Variants in PROSER2 observed in about 807,000 individuals in gnomAD.
PROSER2 encodes proline and serine-rich protein 2.
Under a neutral mutation model 14.6 loss-of-function variants are expected in PROSER2, and 18 were observed. That is an observed-to-expected ratio of 1.23 (90% confidence interval 0.85 to 1.83). The LOEUF is 1.83. PROSER2 is among the 40% of genes most tolerant of loss of function. The pLI, the probability that PROSER2 is intolerant of heterozygous loss-of-function variation, is 0.00. For synonymous variants in PROSER2, 367 were observed against 286.4 expected, an observed-to-expected ratio of 1.28 and a Z score of -2.84; for missense variants, 823 against 629.8, an observed-to-expected ratio of 1.31 and a Z score of -3.28.
intron 1 of PROSER2, among the ~76,000 whole-genome samples, chr10:11,833,318 G>A (rs186131243): frequency 6.8e-6 from 1 of 146,616 alleles, no homozygotes; most frequent in African/African-American, 2.5e-5. Context: ...TGAGGCAGGA[G>A]GATTGTTTGA....
chr10:11,839,790 A>C (rs1588486414), intron 1 of PROSER2, among the ~76,000 whole-genome samples: 2 of 147,946 alleles, frequency 1.4e-5, no homozygotes, highest in Admixed American at 1.4e-4. Flanking sequence ...ATACCACTGC[A>C]CTCCAGCCTG....
At chr10:11,848,208 G>A (rs779349165) in intron 1 of PROSER2, among the ~76,000 whole-genome samples, 59 of 152,016 alleles carry the variant, frequency 3.9e-4, no homozygotes, top group Non-Finnish European at 7.2e-4. Flanking sequence ...TCACTCTGCC[G>A]CCCAGGCTGG....
At chr10:11,845,717 C>T (rs1270173502) in intron 1 of PROSER2, among the ~76,000 whole-genome samples, 3 of 152,030 alleles carry the variant, frequency 2.0e-5, no homozygotes, top group South Asian at 2.1e-4. Context: ...GGGTCCTCGG[C>T]GGGACCCAGC....
intron 2 of PROSER2, among the ~76,000 whole-genome samples, chr10:11,861,560 C>T (rs777629195): frequency 1.3e-5 from 2 of 152,062 alleles, no homozygotes; most frequent in Non-Finnish European, 1.5e-5. Context: ...CAGCCGTGCA[C>T]GGATGGGCGT....
In PROSER2 at chr10:11,851,996, G is replaced by C; in HGVS notation, c.-81-1G>C. 6.8e-7 allele frequency: 1 copy of C among 1,471,052 alleles called. No homozygotes were observed. The highest frequency in any genetic ancestry group is 9.1e-7 in the Non-Finnish European group (1 of 1,103,694). 91.1% of individuals were successfully genotyped at this position (1,471,052 alleles called of 1,614,324 possible). On this transcript the variant is annotated splice_acceptor_variant, in intron 1 of 3. Coordinates refer to ENST00000277570, the MANE Select transcript of PROSER2 (RefSeq NM_153256.4). LOFTEE classifies it low-confidence loss of function (5UTR_SPLICE). ...TTGTCATTCGTGTTTGGTGTCTCTA[G>C]GAGTGAGCTGTTGCCGCAGAATGGG...
chr10:11,853,007 T>C (rs1426018282), intron 2 of PROSER2, among the ~76,000 whole-genome samples: 2 of 152,078 alleles, frequency 1.3e-5, no homozygotes, highest in Non-Finnish European at 2.9e-5. Flanking sequence ...GGTGAGGACA[T>C]TCATCTTTCA....
At chr10:11,844,857 A>T (rs112800713) in intron 1 of PROSER2, among the ~76,000 whole-genome samples, 9 of 152,278 alleles carry the variant, frequency 5.9e-5, no homozygotes, top group Non-Finnish European at 1.3e-4. Context: ...CCTGACCTCA[A>T]GTGATCCGCC....
intron 1 of PROSER2, among the ~76,000 whole-genome samples, chr10:11,846,342 A>G (rs184952576): frequency 6.6e-6 from 1 of 152,282 alleles, no homozygotes; most frequent in Non-Finnish European, 1.5e-5. Flanking sequence ...CTCCAGTTAA[A>G]CACAAACCTT....
intron 1 of PROSER2, among the ~76,000 whole-genome samples, chr10:11,848,163 G>A (rs1833953649): frequency 6.8e-6 from 1 of 146,748 alleles, no homozygotes; most frequent in Non-Finnish European, 1.5e-5. Flanking sequence ...TTTTGTTTTT[G>A]TTTGTTTGTT....
At chr10:11,859,434 C>G (rs1535981) in intron 2 of PROSER2, among the ~76,000 whole-genome samples, 1 of 152,144 alleles carries the variant, frequency 6.6e-6, no homozygotes, top group Non-Finnish European at 1.5e-5. Context: ...CTCAAAAAAA[C>G]AAACAAAAAA....
chr10:11,830,438 C>T lies in PROSER2; in HGVS notation c.-82+6968C>T, dbSNP rs1588482541. Among the ~76,000 whole-genome samples the T allele has an allele frequency of 2.6e-5, 4 of 152,258 alleles. No individual in the cohort carries two copies. In the South Asian group the frequency reaches 6.2e-4, roughly 24 times the overall value. ...CTTTATCCTGTCGTCTGTCGATGGA[C>T]GCCTAGATTGATTCTGTGACGGTTA... On this transcript the variant is annotated intron_variant, in intron 1 of 3. Transcript: ENST00000277570. The surrounding 1 kb of genome is among the most constrained non-coding windows in gnomAD (Gnocchi z 4.5).
In PROSER2 at chr10:11,871,552, T is replaced by C. The variant is rs1834489410; in HGVS notation, c.*1146T>C. The C allele has an allele frequency of 6.6e-6, 1 of 152,242 alleles. No individual in the cohort carries two copies. Among genetic ancestry groups the C allele is most frequent in the African/African-American group, 2.4e-5 (1 of 41,454 alleles). The allele number at this position is 152,242 out of a possible 1,614,324, so 9.4% of individuals were successfully genotyped here. ...ATTCTTAAAGATCCACCGACTGTCA[T>C]GTTCCACAAGCAAGATCTCAGGGTA... On this transcript the variant is annotated 3_prime_UTR_variant, in exon 4 of 4. Transcript: ENST00000277570.
intron 2 of PROSER2, among the ~76,000 whole-genome samples, chr10:11,852,596 T>C (rs1834043994): frequency 6.6e-6 from 1 of 151,560 alleles, no homozygotes; most frequent in Admixed American, 6.6e-5. Flanking sequence ...CTTGGCTCAC[T>C]GCAACCTCCG....
chr10:11,847,011 C>G (rs1833931195), intron 1 of PROSER2, among the ~76,000 whole-genome samples: 1 of 151,940 alleles, frequency 6.6e-6, no homozygotes. Context: ...CTCGGCCTCC[C>G]AAAGTGTTGG....
intron 2 of PROSER2, among the ~76,000 whole-genome samples, chr10:11,863,943 G>A (rs147850019): frequency 5.3e-5 from 8 of 152,200 alleles, no homozygotes; most frequent in Admixed American, 2.0e-4. Flanking sequence ...CTTGCTGAGC[G>A]CACAGGTGGC....
intron 1 of PROSER2, among the ~76,000 whole-genome samples, chr10:11,840,283 AAAACTC>A (rs1050145290): frequency 6.6e-6 from 1 of 152,060 alleles, no homozygotes; most frequent in Non-Finnish European, 1.5e-5. Context: ...AAAAAAAAGA[AAAACTC>A]TTATTTAGTT....
intron 2 of PROSER2, among the ~76,000 whole-genome samples, chr10:11,859,029 A>AAAAAAAAAGG (rs1834184034): frequency 1.8e-5 from 1 of 55,934 alleles, no homozygotes; most frequent in Non-Finnish European, 4.6e-5. Flanking sequence ...AAAAAAAAAA[A>AAAAAAAAAGG]AAAGGAGAGA....
rs1834419835 is a variant in PROSER2, at chr10:11,869,488, A to G, written c.392-2A>G. 1 of 1,611,164 alleles carries G rather than the reference A, an allele frequency of 6.2e-7. No homozygotes were observed. Among genetic ancestry groups the G allele is most frequent in the African/African-American group, 1.3e-5 (1 of 74,728 alleles). On this transcript the variant is annotated splice_acceptor_variant, in intron 3 of 3. Transcript: ENST00000277570. LOFTEE classifies it high-confidence loss of function. This position sits in a 1 kb window ranked among gnomAD's most constrained non-coding sequence, Gnocchi z 4.4. ...CTCACAGGCTCCTCCCTTGTCTTCC[A>G]GGGCCTGCACCTGCTGGGAAGGAGC...
chr10:11,868,530 C>T lies in PROSER2; in HGVS notation c.392-960C>T, dbSNP rs12249415. On this transcript the variant is annotated intron_variant, in intron 3 of 3. Coordinates refer to ENST00000277570, the MANE Select transcript of PROSER2 (RefSeq NM_153256.4). The stretch of plus-strand genomic sequence containing the variant: ...CAAGTGATCCTCCCACCTCAGCTTC[C>T]CAGATTGCTGGGACAGGTGTGAGCC... 2.2e-3 allele frequency among the ~76,000 whole-genome samples: 340 copies of T among 152,296 alleles called. 1 individual carries two copies. The highest frequency in any genetic ancestry group is 7.6e-3 in the African/African-American group (314 of 41,540).
Sources: gnomAD v4.1 joint callset for allele counts (sites outside exome capture counted in the v4.1 genomes callset) on GRCh38, gnomAD v4.1.1 for gene constraint, Gnocchi (gnomAD v3.1) non-coding constraint, MANE v1.5 for transcripts, NCBI Gene and HGNC (gene_info 2026-07-23, HGNC 2026-07-21) for gene names.